Variants in RUSC2 observed in about 807,000 individuals in gnomAD.
The protein encoded by RUSC2 is AP-4 complex accessory subunit RUSC2.
In RUSC2, 34 loss-of-function variants were observed where a neutral mutation model predicts 122.2. The ratio of observed to expected loss-of-function variants is 0.28; its 90% CI spans 0.21 to 0.37. The LOEUF is 0.37. Among genes scored for constraint, RUSC2 ranks in the 10% least tolerant of loss-of-function variants. The pLI, the probability that RUSC2 is intolerant of heterozygous loss-of-function variation, is 1.00. For missense variants in RUSC2, 1,747 were observed against 1,952.4 expected, an observed-to-expected ratio of 0.89 and a Z score of 1.98; for synonymous variants, 784 against 790.0, an observed-to-expected ratio of 0.99 and a Z score of 0.13.
chr9:35,545,627 C>T (rs1459821769), intron 1 of RUSC2, among the ~76,000 whole-genome samples: 2 of 152,144 alleles, frequency 1.3e-5, no homozygotes, highest in Admixed American at 6.6e-5. Context: ...CTGAGCTAGA[C>T]GCATGTTAAG....
Position 35,524,698 on chromosome 9 carries a change from G to C in RUSC2, c.-92-21732G>C, listed in dbSNP as rs184392757. Among the ~76,000 whole-genome samples, 6 of 152,240 alleles carry C rather than the reference G, an allele frequency of 3.9e-5. No homozygotes were observed. In the East Asian group the frequency reaches 1.2e-3, roughly 29 times the overall value. ...AAAGTCTGGTGATCCCAGGCCGGGT[G>C]CAGTGGCTCACGCCTGTAATCCCAG... On this transcript the variant is annotated intron_variant, in intron 1 of 11. Transcript: ENST00000361226.
intron 1 of RUSC2, among the ~76,000 whole-genome samples, chr9:35,522,249 G>A (rs1821230053): frequency 6.6e-6 from 1 of 152,114 alleles, no homozygotes; most frequent in South Asian, 2.1e-4. Context: ...TTTGATTTGG[G>A]AGGCATGAAA....
intron 1 of RUSC2, among the ~76,000 whole-genome samples, chr9:35,503,442 T>C (rs1390977242): frequency 1.3e-5 from 2 of 152,248 alleles, no homozygotes; most frequent in Admixed American, 1.3e-4. Flanking sequence ...CGTTATTTTA[T>C]TCCATTTTAT....
intron 1 of RUSC2, among the ~76,000 whole-genome samples, chr9:35,530,167 G>T (rs1314476411): frequency 6.6e-6 from 1 of 152,096 alleles, no homozygotes; most frequent in Non-Finnish European, 1.5e-5. Flanking sequence ...GCCGAGGCTG[G>T]TATCAACTCA....
At chr9:35,553,980 TC>T (rs1157222456) in intron 2 of RUSC2, among the ~76,000 whole-genome samples, 4 of 152,210 alleles carry the variant, frequency 2.6e-5, no homozygotes, top group African/African-American at 9.7e-5. Flanking sequence ...CTCTGCCACT[TC>T]CTAGTTGTTT....
chr9:35,492,923 C>T (rs1295889771), intron 1 of RUSC2, among the ~76,000 whole-genome samples: 1 of 152,052 alleles, frequency 6.6e-6, no homozygotes, highest in Non-Finnish European at 1.5e-5. Context: ...TGGAATCATG[C>T]ACTATTTGTC....
intron 2 of RUSC2, chr9:35,549,354 GCCTC>G: frequency 2.8e-5 from 8 of 288,510 alleles, no homozygotes; most frequent in Non-Finnish European, 4.1e-5. Context: ...GAGTGCAGTG[GCCTC>G]CCTAGGCCAG....
intron 1 of RUSC2, among the ~76,000 whole-genome samples, chr9:35,496,644 A>G (rs901470694): frequency 4.6e-5 from 7 of 152,200 alleles, no homozygotes; most frequent in Non-Finnish European, 7.4e-5. Context: ...TAAATTTACT[A>G]TCACTGATGA....
Position 35,547,613 on chromosome 9 carries a change from C to T in RUSC2, c.1092C>T (p.Asn364=). The T allele has an allele frequency of 6.2e-7, 1 of 1,614,214 alleles. No homozygotes were observed. The highest frequency in any genetic ancestry group is 8.5e-7 in the Non-Finnish European group (1 of 1,180,030). Residue 364 remains asparagine, a synonymous_variant, in exon 2 of 12, where the codon AAC becomes AAT. Transcript: ENST00000361226. The surrounding 1 kb of genome is among the most constrained non-coding windows in gnomAD (Gnocchi z 4.6). ...ASSPELDANC[N]SYRPHCEPCP... is the part of the protein sequence containing the mutation. ...CTCCTGAGCTTGATGCCAACTGCAA[C>T]TCCTACCGCCCACACTGTGAGCCGT...
rs1174594576 is a variant in RUSC2 at position 35,555,618 on chromosome 9, G to C, written c.2573G>C (p.Gly858Ala). ...LHGTGSLPPL[G>A]SWRSGLSRAE... The stretch of plus-strand genomic sequence containing the variant: ...GGAACAGGAAGCTTGCCGCCTCTGG[G>C]CTCCTGGCGATCTGGCCTCAGCCGA... Residue 858 changes from glycine to alanine, a missense_variant, in exon 3 of 12, where the codon GGC (glycine) becomes GCC (alanine). By Grantham distance (60) the Gly-to-Ala change is moderately conservative (BLOSUM62 0). Coordinates refer to ENST00000361226, the MANE Select transcript of RUSC2 (RefSeq NM_014806.5). The surrounding 1 kb of genome is among the most constrained non-coding windows in gnomAD (Gnocchi z 4.6). 6.2e-7 allele frequency: 1 copy of C among 1,612,870 alleles called. No homozygotes were observed. The highest frequency in any genetic ancestry group is 8.5e-7 in the Non-Finnish European group (1 of 1,180,004).
chr9:35,525,616 CG>C (rs1186178250), intron 1 of RUSC2, among the ~76,000 whole-genome samples: 1 of 152,000 alleles, frequency 6.6e-6, no homozygotes, highest in African/African-American at 2.4e-5. Flanking sequence ...CTGGCCTACA[CG>C]GCAAAACCCC....
rs373265305 is a variant in RUSC2, at chr9:35,561,288, G to A, written c.4457G>A (p.Arg1486His). 2.4e-5 allele frequency: 38 copies of A among 1,613,908 alleles called. No individual in the cohort carries two copies. The Admixed American group carries it at 3.3e-4, about 14-fold the overall frequency. Residue 1486 changes from arginine (R) to histidine (H), a missense_variant, in exon 12 of 12, where the codon CGC (arginine) becomes CAC (histidine). Physicochemically the swap from Arg to His is conservative, Grantham distance 29. Coordinates refer to ENST00000361226, the MANE Select transcript of RUSC2 (RefSeq NM_014806.5). ...GGGCGAGCTGGAGGAGACTGGCTGC[G>A]CTGCAGCCGTGGCCCCGACTCTGGC... The part of the protein sequence containing the change: ...VLGRAGGDWL[R>H]CSRGPDSGLV...
At chr9:35,516,496 G>T (rs1821110517) in intron 1 of RUSC2, among the ~76,000 whole-genome samples, 1 of 152,156 alleles carries the variant, frequency 6.6e-6, no homozygotes, top group Admixed American at 6.5e-5. Flanking sequence ...GAAACAGAAA[G>T]ATAAAGATGG....
chr9:35,548,128 C>T lies in RUSC2; in HGVS notation c.1607C>T (p.Ser536Phe), dbSNP rs773320724. 2 of 1,613,248 alleles carry T rather than the reference C, an allele frequency of 1.2e-6. No homozygotes were observed. Among genetic ancestry groups the T allele is most frequent in the Non-Finnish European group, 1.7e-6 (2 of 1,180,000 alleles). The change falls in exon 2 of 12, where the codon TCC (serine) becomes TTC (phenylalanine). Residue 536 changes from serine to phenylalanine, a missense_variant. Transcript: ENST00000361226. This position sits in a 1 kb window ranked among gnomAD's most constrained non-coding sequence, Gnocchi z 4.5. ...EGPAAMAGPG[S>F]PPRRVTSFAE... ...CCTGCAGCCATGGCCGGGCCTGGCT[C>T]CCCACCCAGGAGGGTCACCTCCTTT...
At position 35,547,077 on chromosome 9, in the gene RUSC2, G is replaced by A. The variant is rs186512515; in HGVS notation, c.556G>A (p.Gly186Ser). 52 of 1,613,830 alleles carry A rather than the reference G, an allele frequency of 3.2e-5. No homozygotes were observed. The highest frequency in any genetic ancestry group is 2.9e-4 in the East Asian group (13 of 44,880). ...PVMTLDTQQCGTSHCCRPELE... is the reference protein window; with the variant it reads ...PVMTLDTQQCSTSHCCRPELE... ...GATGACCTTGGATACTCAGCAGTGC[G>A]GCACCAGCCACTGCTGCCGGCCAGA... Residue 186 changes from glycine to serine, a missense_variant, in exon 2 of 12, where the codon GGC becomes AGC. Physicochemically the swap from Gly to Ser is moderately conservative, Grantham distance 56. Transcript: ENST00000361226. This position sits in a 1 kb window ranked among gnomAD's most constrained non-coding sequence, Gnocchi z 4.6.
At chr9:35,510,451 G>A (rs1820993000) in intron 1 of RUSC2, among the ~76,000 whole-genome samples, 1 of 152,210 alleles carries the variant, frequency 6.6e-6, no homozygotes, top group Non-Finnish European at 1.5e-5. Context: ...GGATGGAGCT[G>A]GCTTTCATGA....
In RUSC2 at chr9:35,555,903, G is replaced by T; in HGVS notation, c.2657-49G>T. ...CTGGGTGGATGTGAAACTCTGTCTC[G>T]CTGTCTCCTGCCAACTCTTGTCTTT... On this transcript the variant is annotated intron_variant, in intron 3 of 11. Transcript: ENST00000361226. This position sits in a 1 kb window ranked among gnomAD's most constrained non-coding sequence, Gnocchi z 4.6. 1.3e-6 allele frequency: 2 copies of T among 1,588,206 alleles called. No individual in the cohort carries two copies. The highest frequency in any genetic ancestry group is 8.6e-7 in the Non-Finnish European group (1 of 1,163,306).
intron 1 of RUSC2, among the ~76,000 whole-genome samples, chr9:35,512,942 C>G (rs1821035020): frequency 6.6e-6 from 1 of 152,126 alleles, no homozygotes; most frequent in African/African-American, 2.4e-5. Flanking sequence ...GCATATTGAC[C>G]ATTTCACATC....
chr9:35,539,319 G>T (rs1180971015), intron 1 of RUSC2, among the ~76,000 whole-genome samples: 2 of 152,142 alleles, frequency 1.3e-5, no homozygotes, highest in Non-Finnish European at 2.9e-5. Flanking sequence ...ATGGGGAAAA[G>T]CCAAGGCTTG....
Sources: allele counts gnomAD v4.1 joint callset (sites outside exome capture counted in the v4.1 genomes callset), GRCh38; gene constraint gnomAD v4.1.1; non-coding constraint Gnocchi (gnomAD v3.1); transcripts MANE v1.5; gene names NCBI Gene and HGNC (gene_info 2026-07-23, HGNC 2026-07-21).